Variants in ANOS1 observed in about 807,000 individuals in gnomAD.
ANOS1 encodes the protein anosmin 1.
In ANOS1, 6 loss-of-function variants were observed where a neutral mutation model predicts 59.0. That is an observed-to-expected ratio of 0.10 (90% CI 0.06 to 0.20). The LOEUF (loss-of-function observed/expected upper bound fraction) is 0.20, where lower values mean the gene tolerates loss of function less well. Ranked by LOEUF, ANOS1 falls within the 10% of genes least tolerant of loss-of-function variation. The pLI, the probability that ANOS1 is intolerant of heterozygous loss-of-function variation, is 1.00. For missense variants in ANOS1, 433 were observed against 542.3 expected (o/e 0.80, Z 2.00); for synonymous variants, 217 against 223.4 (o/e 0.97, Z 0.25).
intron 8 of ANOS1, chrX:8,565,935 A>G: frequency 2.9e-6 from 2 of 700,768 alleles, no homozygotes; most frequent in Non-Finnish European, 3.4e-6. Context: ...ATTAGCACAC[A>G]GATGGTGGTT....
At position 8,731,859 on chromosome X, in the gene ANOS1, G is replaced by C; in HGVS notation, c.178C>G (p.Arg60Gly). The C allele has an allele frequency of 8.4e-7, 1 of 1,194,537 alleles. No individual in the cohort carries two copies. The highest frequency in any genetic ancestry group is 1.1e-6 in the Non-Finnish European group (1 of 888,351). ...ASRCLSLQIT[R>G]ISAFFQHFQN... ...AAGTGCTGGAAGAAGGCGGAGATGC[G>C]AGTGATCTGCAGGCTCAGGCACCTG... Residue 60 changes from arginine to glycine, a missense_variant, in exon 1 of 14, where the codon CGC becomes GGC. By Grantham distance (125) the Arg-to-Gly change is moderately radical. Transcript: ENST00000262648.
Position 8,662,850 on chromosome X carries a change from C to T in ANOS1, c.255+36848G>A, listed in dbSNP as rs928827686. Among the ~76,000 whole-genome samples, 5 of 110,850 alleles carry T rather than the reference C, an allele frequency of 4.5e-5. No homozygotes were observed. The South Asian group carries it at 1.1e-3, about 25-fold the overall frequency. ...CAGTCTGGCCAACATGGTGAAACCC[C>T]GTCTCTACTAAAAAAATACAAAAAT... On this transcript the variant is annotated intron_variant, in intron 2 of 13. Transcript: ENST00000262648.
intron 1 of ANOS1, among the ~76,000 whole-genome samples, chrX:8,709,855 C>T (rs1260691398): frequency 8.9e-6 from 1 of 112,150 alleles, no homozygotes; most frequent in East Asian, 2.8e-4. Flanking sequence ...CAACCTTGTC[C>T]ACCCTGGGAA....
intron 13 of ANOS1, among the ~76,000 whole-genome samples, chrX:8,533,581 G>A (rs808126): frequency 0.42 from 46,722 of 110,908 alleles, 7,440 homozygotes; most frequent in Admixed American, 0.63. Flanking sequence ...CCACACACTA[G>A]TCATCAGACA....
At chrX:8,678,997 C>T (rs1306635271) in intron 2 of ANOS1, among the ~76,000 whole-genome samples, 4 of 111,613 alleles carry the variant, frequency 3.6e-5, no homozygotes. Context: ...CTCCACGGCT[C>T]ATATAATCTA....
chrX:8,569,934 T>C (rs1285524043), intron 7 of ANOS1, among the ~76,000 whole-genome samples: 1 of 111,765 alleles, frequency 8.9e-6, no homozygotes, highest in Non-Finnish European at 1.9e-5. Context: ...AAGAATCTCA[T>C]TGCAGAAAAT....
At chrX:8,672,163 CAT>C (rs200980436) in intron 2 of ANOS1, among the ~76,000 whole-genome samples, 44 of 107,261 alleles carry the variant, frequency 4.1e-4, no homozygotes, top group African/African-American at 1.6e-3. Context: ...CACACATGCA[CAT>C]ACACACACAC....
chrX:8,601,812 G>A (rs1443658499), intron 3 of ANOS1, among the ~76,000 whole-genome samples: 18 of 112,238 alleles, frequency 1.6e-4, no homozygotes, highest in Non-Finnish European at 7.5e-5. Flanking sequence ...TACTCAATAA[G>A]AATTAAGTAA....
chrX:8,616,615 C>T (rs1027648827), intron 3 of ANOS1, among the ~76,000 whole-genome samples: 4 of 111,327 alleles, frequency 3.6e-5, no homozygotes, highest in Admixed American at 1.9e-4. Flanking sequence ...CCACCCCACC[C>T]CCAAAACTAT....
intron 1 of ANOS1, among the ~76,000 whole-genome samples, chrX:8,717,684 G>A (rs1483049337): frequency 1.8e-5 from 2 of 111,434 alleles, no homozygotes; most frequent in East Asian, 2.8e-4. Context: ...AGGAGAGAGC[G>A]AGAAGAGAGA....
At chrX:8,634,581 C>A (rs1931543041) in intron 2 of ANOS1, among the ~76,000 whole-genome samples, 1 of 111,530 alleles carries the variant, frequency 9.0e-6, no homozygotes, top group South Asian at 3.8e-4. Flanking sequence ...ACCAAGCCAG[C>A]AAAGAATATT....
At chrX:8,697,811 A>C (rs761661745) in intron 2 of ANOS1, among the ~76,000 whole-genome samples, 1 of 111,770 alleles carries the variant, frequency 8.9e-6, no homozygotes, top group Admixed American at 9.5e-5. Context: ...ATATGTCTCT[A>C]CTGGTTTGTT....
At chrX:8,584,887 T>A (rs1930484236) in intron 6 of ANOS1, among the ~76,000 whole-genome samples, 2 of 111,985 alleles carry the variant, frequency 1.8e-5, no homozygotes, top group African/African-American at 6.5e-5. Context: ...AATTTAACAA[T>A]CATTTCAAGA....
intron 6 of ANOS1, among the ~76,000 whole-genome samples, chrX:8,573,592 T>C (rs1322188765): frequency 4.5e-5 from 5 of 111,776 alleles, no homozygotes; most frequent in African/African-American, 1.6e-4. Context: ...ACTATGCTCC[T>C]GAATGCAGAT....
At chrX:8,641,032 C>G (rs761018698) in intron 2 of ANOS1, among the ~76,000 whole-genome samples, 11 of 111,909 alleles carry the variant, frequency 9.8e-5, no homozygotes, top group African/African-American at 1.9e-4. Flanking sequence ...CTCATGTCAG[C>G]CTATATGCAA....
intron 2 of ANOS1, among the ~76,000 whole-genome samples, chrX:8,680,202 T>G (rs928619308): frequency 2.8e-5 from 3 of 107,465 alleles, no homozygotes; most frequent in Non-Finnish European, 3.8e-5. Context: ...CATGGTAAAT[T>G]TTTAATTTTT....
rs138603392 is a variant in ANOS1, at chrX:8,637,389, G to A, written c.256-13719C>T. Among the ~76,000 whole-genome samples, 46 of 112,003 alleles carry A rather than the reference G, an allele frequency of 4.1e-4. 1 individual carries two copies. Among genetic ancestry groups the A allele is most frequent in the East Asian group, 2.8e-3 (10 of 3,559 alleles). ...AACTTAGCTAACTGAACACTGTTTTGATTAACTCTAAGCTTACCTTCATTA... is the reference window on the plus strand; with the variant it reads ...AACTTAGCTAACTGAACACTGTTTTAATTAACTCTAAGCTTACCTTCATTA... On this transcript the variant is annotated intron_variant, in intron 2 of 13. Transcript: ENST00000262648.
chrX:8,714,674 G>A (rs1315320833), intron 1 of ANOS1, among the ~76,000 whole-genome samples: 3 of 111,333 alleles, frequency 2.7e-5, no homozygotes, highest in South Asian at 7.6e-4. Flanking sequence ...TGTAAACTAG[G>A]AGATGCAGGA....
At chrX:8,620,729 T>C (rs765370364) in intron 3 of ANOS1, among the ~76,000 whole-genome samples, 1 of 112,317 alleles carries the variant, frequency 8.9e-6, no homozygotes, top group South Asian at 3.7e-4. Context: ...TCTTGAGTTA[T>C]TTAACCGTTG....
Sources: gnomAD v4.1 joint callset for allele counts (sites outside exome capture counted in the v4.1 genomes callset) on GRCh38, gnomAD v4.1.1 for gene constraint, MANE v1.5 for transcripts, NCBI Gene and HGNC (gene_info 2026-07-23, HGNC 2026-07-21) for gene names.